The following WDFY4 variants were observed in gnomAD, a reference collection of about 807,000 sequenced individuals.
WDFY4 encodes WD repeat- and FYVE domain-containing protein 4.
In WDFY4, 169 loss-of-function variants were observed where a neutral mutation model predicts 351.9. The ratio of observed to expected loss-of-function variants is 0.48; its 90% confidence interval spans 0.42 to 0.55. WDFY4 has a LOEUF of 0.55. WDFY4 is among the 20% of genes least tolerant of loss of function. The pLI, the probability that WDFY4 is intolerant of heterozygous loss-of-function variation, is 0.00. For missense variants in WDFY4, 3,803 were observed against 3,935.6 expected (o/e 0.97, Z 0.90); for synonymous variants, 1,622 against 1,574.6 (o/e 1.03, Z -0.71).
chr10:48,964,518 T>A (rs1841993865), intron 54 of WDFY4, among the ~76,000 whole-genome samples: 1 of 152,224 alleles, frequency 6.6e-6, no homozygotes, highest in Non-Finnish European at 1.5e-5. Context: ...TCAGAGAGGC[T>A]AAATAAATAC....
At chr10:48,691,975 T>C (rs572341201) in intron 1 of WDFY4, among the ~76,000 whole-genome samples, 1 of 152,130 alleles carries the variant, frequency 6.6e-6, no homozygotes, top group African/African-American at 2.4e-5. Flanking sequence ...GTTCCCAGAG[T>C]CTCTGCCCTG....
intron 57 of WDFY4, among the ~76,000 whole-genome samples, 153 bp from the exon 58 acceptor site, chr10:48,974,709 C>A (rs1431097670): frequency 6.6e-6 from 1 of 151,990 alleles, no homozygotes; most frequent in African/African-American, 2.4e-5. Flanking sequence ...ATGCACACAC[C>A]CCCAGCTGCA....
intron 19 of WDFY4, among the ~76,000 whole-genome samples, chr10:48,785,473 C>T (rs530540496): frequency 3.9e-5 from 6 of 152,044 alleles, no homozygotes; most frequent in East Asian, 1.9e-4. Context: ...TCTAGTTTTA[C>T]GTTTTACACT....
chr10:48,948,904 A>G (rs1198016154), intron 51 of WDFY4, among the ~76,000 whole-genome samples: 3 of 152,270 alleles, frequency 2.0e-5, no homozygotes. Context: ...CCAACTTAGC[A>G]TGAGCTAGAC....
chr10:48,835,497 C>T (rs1410390346), intron 39 of WDFY4, among the ~76,000 whole-genome samples: 1 of 151,934 alleles, frequency 6.6e-6, no homozygotes, highest in African/African-American at 2.4e-5. Flanking sequence ...GAGTCACCCG[C>T]AGCCACCCCA....
chr10:48,901,901 GC>G, intron 47 of WDFY4, 38 bp downstream of exon 47: 1 of 1,537,924 alleles, frequency 6.5e-7, no homozygotes, highest in South Asian at 1.2e-5. Context: ...GCATGGCACT[GC>G]CCTGGCTTTG....
chr10:48,740,932 A>G (rs896633201), intron 11 of WDFY4, among the ~76,000 whole-genome samples: 62 of 152,232 alleles, frequency 4.1e-4, no homozygotes, highest in Non-Finnish European at 5.9e-5. Context: ...ATTGGCCTGT[A>G]TTGGTAAGGA....
At chr10:48,861,500 A>C (rs1360553246) in intron 39 of WDFY4, among the ~76,000 whole-genome samples, 1 of 152,200 alleles carries the variant, frequency 6.6e-6, no homozygotes, top group African/African-American at 2.4e-5. Flanking sequence ...TATTTTCAGC[A>C]CTTGAGAAAT....
At chr10:48,696,883 C>T (rs567536463) in intron 1 of WDFY4, among the ~76,000 whole-genome samples, 16 of 152,330 alleles carry the variant, frequency 1.1e-4, no homozygotes, top group Admixed American at 3.3e-4. Context: ...GTTGCAAGGA[C>T]GATATTGTTC....
intron 47 of WDFY4, among the ~76,000 whole-genome samples, chr10:48,925,362 G>A (rs1362747257): frequency 6.6e-6 from 1 of 152,132 alleles, no homozygotes; most frequent in Non-Finnish European, 1.5e-5. Flanking sequence ...AGTGGGTCCT[G>A]TGTATGTAAT....
chr10:48,968,775 G>T, intron 55 of WDFY4: 1 of 434,166 alleles, frequency 2.3e-6, no homozygotes, highest in South Asian at 2.6e-5. Context: ...CCATATTCCA[G>T]CTGGGGCTGG....
chr10:48,693,515 A>C (rs578142922), intron 1 of WDFY4, among the ~76,000 whole-genome samples: 1 of 152,248 alleles, frequency 6.6e-6, no homozygotes. Flanking sequence ...TTCCTGGTAC[A>C]TTAAGAGGTC....
At chr10:48,725,278 C>G (rs2064229443) in intron 5 of WDFY4, among the ~76,000 whole-genome samples, 1 of 152,160 alleles carries the variant, frequency 6.6e-6, no homozygotes, top group Non-Finnish European at 1.5e-5. Context: ...CCCCAAGAGC[C>G]CAGGGGGGAG....
At chr10:48,963,682 C>A (rs1208271369) in intron 53 of WDFY4, among the ~76,000 whole-genome samples, 160 bp from the exon 54 acceptor site, 1 of 152,184 alleles carries the variant, frequency 6.6e-6, no homozygotes, top group African/African-American at 2.4e-5. Flanking sequence ...GGGTGGCTGG[C>A]TCATCCTGCC....
chr10:48,982,565 C>T lies in WDFY4; in HGVS notation c.9545C>T (p.Ala3182Val), dbSNP rs1221978555. 6.5e-7 allele frequency: 1 copy of T among 1,548,252 alleles called. No homozygotes were observed. Among genetic ancestry groups the T allele is most frequent in the Non-Finnish European group, 8.7e-7 (1 of 1,144,824 alleles). ...DERGRIFCWS[A>V]DG is the part of the protein sequence containing the mutation. ...AGGGGGAGAATATTCTGCTGGTCTGCAGATGGGTAGGAAGAGAGAGGCAGC... is the reference window on the plus strand; with the variant it reads ...AGGGGGAGAATATTCTGCTGGTCTGTAGATGGGTAGGAAGAGAGAGGCAGC... Residue 3182 changes from alanine to valine, a missense_variant, in exon 62 of 62, where the codon GCA (alanine) becomes GTA (valine). Physicochemically the swap from Ala to Val is moderately conservative, Grantham distance 64. Transcript: ENST00000325239.
chr10:48,952,003 G>A (rs574243076), intron 51 of WDFY4, among the ~76,000 whole-genome samples: 63 of 152,360 alleles, frequency 4.1e-4, no homozygotes, highest in African/African-American at 1.3e-3. Flanking sequence ...AGGGTTTTCC[G>A]AACCACCTGA....
chr10:48,794,355 C>T (rs114780644), intron 23 of WDFY4, among the ~76,000 whole-genome samples: 2,435 of 151,986 alleles, frequency 0.016, 64 homozygotes, highest in African/African-American at 0.052. Flanking sequence ...GGAGCCAGGG[C>T]GGTCCAGCAG....
chr10:48,925,171 C>T (rs1169326305), intron 47 of WDFY4, among the ~76,000 whole-genome samples: 1 of 152,222 alleles, frequency 6.6e-6, no homozygotes. Flanking sequence ...TGTTCTCTCT[C>T]CCGACCCTCA....
chr10:48,803,231 A>G (rs1159891871), intron 24 of WDFY4, 55 bp from the exon 25 acceptor site: 85 of 1,531,556 alleles, frequency 5.5e-5, no homozygotes, highest in Non-Finnish European at 7.3e-5. Flanking sequence ...TGCTTCCTGC[A>G]AATCATTCTT....
Sources: allele counts gnomAD v4.1 joint callset (sites outside exome capture counted in the v4.1 genomes callset), GRCh38; gene constraint gnomAD v4.1.1; transcripts MANE v1.5; gene names NCBI Gene and HGNC (gene_info 2026-07-23, HGNC 2026-07-21).